VRK2: variants seen among roughly 807,000 people sequenced by gnomAD.
VRK2 encodes serine/threonine-protein kinase VRK2.
In VRK2, 60 loss-of-function variants were observed where a neutral mutation model predicts 57.6. That is an observed-to-expected ratio of 1.04 (90% CI 0.85 to 1.29). VRK2 has a LOEUF of 1.29. Ranked by LOEUF, VRK2 falls within the 50% of genes most tolerant of loss-of-function variation. VRK2 has a pLI of 0.00. For missense variants in VRK2, 705 were observed against 588.1 expected, an observed-to-expected ratio of 1.20 and a Z score of -2.06; for synonymous variants, 231 against 199.2, an observed-to-expected ratio of 1.16 and a Z score of -1.35.
chr2:58,110,754 A>T (rs1675430442), intron 7 of VRK2, among the ~76,000 whole-genome samples: 1 of 152,164 alleles, frequency 6.6e-6, no homozygotes, highest in Non-Finnish European at 1.5e-5. Flanking sequence ...ACACTTGTGA[A>T]AGGAAAGGGA....
At chr2:58,144,811 A>G (rs1681868656) in intron 11 of VRK2, among the ~76,000 whole-genome samples, 1 of 152,020 alleles carries the variant, frequency 6.6e-6, no homozygotes, top group African/African-American at 2.4e-5. Context: ...GGTTACTGAA[A>G]GGCAGTGGTT....
chr2:58,149,996 C>CTTTTTTTTTT (rs55783668), intron 12 of VRK2, among the ~76,000 whole-genome samples: 28 of 108,280 alleles, frequency 2.6e-4, no homozygotes, highest in East Asian at 5.1e-4. Flanking sequence ...TTTTTCTTTT[C>CTTTTTTTTTT]TTTTTTTTTT....
chr2:58,067,670 T>G (rs567524398), intron 2 of VRK2, among the ~76,000 whole-genome samples: 1 of 152,184 alleles, frequency 6.6e-6, no homozygotes, highest in South Asian at 2.1e-4. Flanking sequence ...ATCTCACAGA[T>G]TTTTAAATAT....
At chr2:57,971,820 T>C (rs879488699) in intron 1 of VRK2, among the ~76,000 whole-genome samples, 4 of 151,930 alleles carry the variant, frequency 2.6e-5, no homozygotes, top group Non-Finnish European at 5.9e-5. Context: ...AAGTCTGCTT[T>C]ACATAGGAAA....
intron 9 of VRK2, among the ~76,000 whole-genome samples, chr2:58,133,066 A>AAT (rs551101822): frequency 1.0e-3 from 154 of 152,278 alleles, no homozygotes; most frequent in Middle Eastern, 3.4e-3. Context: ...AGAATACTGT[A>AAT]ATAAAGTAAT....
At chr2:58,056,223 T>A (rs1397463799) in intron 2 of VRK2, among the ~76,000 whole-genome samples, 1 of 152,160 alleles carries the variant, frequency 6.6e-6, no homozygotes, top group Non-Finnish European at 1.5e-5. Context: ...CTTATAGCCG[T>A]TGCTTTTGCT....
chr2:58,012,796 T>C (rs967015181), intron 1 of VRK2, among the ~76,000 whole-genome samples: 3 of 152,224 alleles, frequency 2.0e-5, no homozygotes, highest in African/African-American at 7.2e-5. Context: ...TTTTTCATTA[T>C]AACACAGTGG....
At chr2:58,140,837 C>G (rs1261113955) in intron 11 of VRK2, among the ~76,000 whole-genome samples, 1 of 152,008 alleles carries the variant, frequency 6.6e-6, no homozygotes, top group Non-Finnish European at 1.5e-5. Flanking sequence ...ATTTGAATGA[C>G]TGTGGTATTG....
intron 4 of VRK2, among the ~76,000 whole-genome samples, chr2:58,085,522 G>A (rs1671489939): frequency 1.3e-5 from 2 of 151,922 alleles, no homozygotes. Context: ...AAAAATAACA[G>A]CATTTTATAA....
At chr2:57,989,821 T>C (rs1227094019) in intron 1 of VRK2, among the ~76,000 whole-genome samples, 2 of 152,204 alleles carry the variant, frequency 1.3e-5, no homozygotes, top group Admixed American at 6.5e-5. Flanking sequence ...GTTTGTTTTA[T>C]TATTTTAAGA....
Position 58,115,301 on chromosome 2 carries a change from C to T in VRK2, c.544-7800C>T, listed in dbSNP as rs539944507. On this transcript the variant is annotated intron_variant, in intron 7 of 12. Coordinates refer to ENST00000340157, the MANE Select transcript of VRK2 (RefSeq NM_006296.7). ...GTGGTATCAGGAATAATGTGGGAGG[C>T]CAGATTGAAGTCCGGGCCAGAAACA... is the stretch of plus-strand genomic sequence containing the variant. Among the ~76,000 whole-genome samples, 6 of 151,894 alleles carry T rather than the reference C, an allele frequency of 4.0e-5. No individual in the cohort carries two copies. The South Asian group carries it at 1.3e-3, about 32-fold the overall frequency.
chr2:57,957,628 C>CTA (rs72419717), intron 1 of VRK2, among the ~76,000 whole-genome samples: 23,608 of 144,888 alleles, frequency 0.16, 2,230 homozygotes, highest in African/African-American at 0.27. Flanking sequence ...ATATATATTT[C>CTA]TATATATATA....
intron 8 of VRK2, among the ~76,000 whole-genome samples, chr2:58,130,162 G>A (rs1301957137): frequency 6.6e-6 from 1 of 152,070 alleles, no homozygotes; most frequent in Non-Finnish European, 1.5e-5. Flanking sequence ...TTTTAATTCT[G>A]ATTATTTTTC....
chr2:57,927,705 A>T (rs887461614), intron 1 of VRK2, among the ~76,000 whole-genome samples: 2 of 152,086 alleles, frequency 1.3e-5, no homozygotes, highest in African/African-American at 4.8e-5. Flanking sequence ...TCCCTTTAGC[A>T]TTTTTTGTAG....
intron 1 of VRK2, among the ~76,000 whole-genome samples, chr2:57,914,979 A>T (rs1037877915): frequency 5.3e-5 from 8 of 152,126 alleles, no homozygotes; most frequent in Admixed American, 5.2e-4. Context: ...ACTGTTGATT[A>T]TTTTGATTTC....
rs548521527 is a variant in VRK2, at chr2:58,063,174, T to A, written c.136+14207T>A. 6.0e-5 allele frequency among the ~76,000 whole-genome samples: 9 copies of A among 150,108 alleles called. No homozygotes were observed. In the South Asian group the frequency reaches 1.7e-3, roughly 28 times the overall value. ...TCTTTTTACAGCATGGTTTACTGAT[T>A]TTTTTTTTTAGTTTTATTTTTCTTA... On this transcript the variant is annotated intron_variant, in intron 2 of 12. Transcript: ENST00000340157.
chr2:57,979,578 C>T (rs983231623), intron 1 of VRK2, among the ~76,000 whole-genome samples: 1 of 145,076 alleles, frequency 6.9e-6, no homozygotes, highest in African/African-American at 2.9e-5. Flanking sequence ...GGAGTCCCTC[C>T]TCCTTGATTT....
chr2:58,052,962 A>G (rs1451555108), intron 2 of VRK2, among the ~76,000 whole-genome samples: 2 of 152,220 alleles, frequency 1.3e-5, no homozygotes, highest in Non-Finnish European at 2.9e-5. Flanking sequence ...GATATGATTT[A>G]TCTGTAGCAG....
chr2:58,020,203 T>C (rs1329277442), intron 1 of VRK2, among the ~76,000 whole-genome samples: 6 of 152,212 alleles, frequency 3.9e-5, no homozygotes, highest in African/African-American at 1.4e-4. Flanking sequence ...ATAAAACAAT[T>C]GCCAAGATAA....
Sources: allele counts gnomAD v4.1 joint callset (sites outside exome capture counted in the v4.1 genomes callset), GRCh38; gene constraint gnomAD v4.1.1; transcripts MANE v1.5; gene names NCBI Gene and HGNC (gene_info 2026-07-23, HGNC 2026-07-21).